Variants in DENND2B observed in about 807,000 individuals in gnomAD.
The protein encoded by DENND2B is DENN domain-containing protein 2B.
DENND2B carries 32 observed loss-of-function variants against 116.0 expected under a neutral mutation model. The observed-to-expected ratio is 0.28, with a 90% CI of 0.21 to 0.37. The LOEUF (loss-of-function observed/expected upper bound fraction) is 0.37, where lower values mean the gene tolerates loss of function less well. Among genes scored for constraint, DENND2B ranks in the 10% least tolerant of loss-of-function variants. The probability of loss-of-function intolerance (pLI) is 1.00; values close to 1 mark genes in which losing one functional copy is unlikely to be tolerated. For synonymous variants in DENND2B, 588 were observed against 583.9 expected (o/e 1.01, Z -0.10); for missense variants, 1,276 against 1,477.7 (o/e 0.86, Z 2.24).
At chr11:8,801,168 G>C (rs562020085) in intron 1 of DENND2B, among the ~76,000 whole-genome samples, 5 of 152,062 alleles carry the variant, frequency 3.3e-5, no homozygotes, top group African/African-American at 1.2e-4. Context: ...TCCTCAGAGA[G>C]GGGCCCGCTC....
At chr11:8,814,646 AT>A (rs954819015), upstream of DENND2B, among the ~76,000 whole-genome samples, 3 of 152,192 alleles carry the variant, frequency 2.0e-5, no homozygotes, top group African/African-American at 7.2e-5. Flanking sequence ...AGCACTCACC[AT>A]GCTGTGTAAT....
rs77977625 is a variant in DENND2B, at chr11:8,748,411, C to T, written c.80+2210G>A. On this transcript the variant is annotated intron_variant, in intron 2 of 19. Transcript: ENST00000313726. ...ACCCAGGAGAACCCTCTGAGTTCACCGACAATGCCTTCCTAAATGAACTGG... is the reference window on the plus strand; with the variant it reads ...ACCCAGGAGAACCCTCTGAGTTCACTGACAATGCCTTCCTAAATGAACTGG... Among the ~76,000 whole-genome samples the T allele has an allele frequency of 8.5e-5, 13 of 152,324 alleles. No homozygotes were observed. In the East Asian group the frequency reaches 1.7e-3, roughly 20 times the overall value.
intron 2 of DENND2B, among the ~76,000 whole-genome samples, chr11:8,879,151 C>T (rs779429830): frequency 2.0e-5 from 3 of 152,242 alleles, no homozygotes; most frequent in Non-Finnish European, 4.4e-5. Context: ...GGCCATGTGA[C>T]TGTCCAACCC....
chr11:8,764,687 G>T (rs1307492417), intron 1 of DENND2B, among the ~76,000 whole-genome samples: 1 of 152,078 alleles, frequency 6.6e-6, no homozygotes, highest in Non-Finnish European at 1.5e-5. Flanking sequence ...TTAGAAAAGG[G>T]GCTGGGCATG....
intron 4 of DENND2B, among the ~76,000 whole-genome samples, chr11:8,723,693 G>C (rs374641108): frequency 1.3e-5 from 2 of 152,148 alleles, no homozygotes; most frequent in African/African-American, 4.8e-5. Flanking sequence ...TGGATCTTTT[G>C]TTCTGATGCC....
rs2043844271 is a variant in DENND2B at position 8,712,109 on chromosome 11, ACAAG to A, written c.2172+438_2172+441del. 1 of 404,604 alleles carries A rather than the reference ACAAG, an allele frequency of 2.5e-6. No homozygotes were observed. Among genetic ancestry groups the A allele is most frequent in the Non-Finnish European group, 5.1e-6 (1 of 197,224 alleles). The allele number at this position is 404,604 out of a possible 1,614,324, so 25.1% of individuals were successfully genotyped here. Reference sequence around the variant, plus strand: ...AAGAGGGAGGCCAGGCTGGCTGGCGACAAGCAGGGAAGGCGGAGTGAGAGACAGG... The same window carrying A: ...AAGAGGGAGGCCAGGCTGGCTGGCGACAGGGAAGGCGGAGTGAGAGACAGG... On this transcript the variant is annotated intron_variant, in intron 9 of 19. Transcript: ENST00000313726. This position sits in a 1 kb window ranked among gnomAD's most constrained non-coding sequence, Gnocchi z 4.4.
At chr11:8,823,234 G>A (rs990648198) in intron 4 of DENND2B, among the ~76,000 whole-genome samples, 5 of 152,038 alleles carry the variant, frequency 3.3e-5, no homozygotes, top group African/African-American at 1.2e-4. Flanking sequence ...CTGGACTTCA[G>A]AAAAATCTCT....
In DENND2B at chr11:8,721,957, C is replaced by A. The variant is rs553901292; in HGVS notation, c.1478-4065G>T. ...ATGCAGCTCAGGCGCCGAGGCCACT[C>A]CACATAATTCCTTAACAAGCTGCTT... On this transcript the variant is annotated intron_variant, in intron 4 of 19. Transcript: ENST00000313726. Among the ~76,000 whole-genome samples, 3 of 152,354 alleles carry A rather than the reference C, an allele frequency of 2.0e-5. No homozygotes were observed. In the South Asian group the frequency reaches 6.2e-4, roughly 32 times the overall value.
chr11:8,906,214 T>C (rs1176883543), intron 1 of DENND2B, among the ~76,000 whole-genome samples: 2 of 146,852 alleles, frequency 1.4e-5, no homozygotes, highest in Admixed American at 1.4e-4. Context: ...TCTTTTTTTT[T>C]TTTTTTTTTG....
intron 4 of DENND2B, chr11:8,718,270 A>G: frequency 8.3e-7 from 1 of 1,201,756 alleles, no homozygotes; most frequent in South Asian, 1.3e-5. Context: ...CAAACACCCC[A>G]GAGATAACAC....
upstream of DENND2B, among the ~76,000 whole-genome samples, chr11:8,815,654 CT>C (rs199795522): frequency 7.5e-3 from 1,147 of 152,332 alleles, 45 homozygotes; most frequent in Admixed American, 0.068. Flanking sequence ...ATTTTTCAAT[CT>C]CCTGATAGAA....
chr11:8,752,424 C>T (rs2052694789), intron 1 of DENND2B, among the ~76,000 whole-genome samples: 1 of 151,246 alleles, frequency 6.6e-6, no homozygotes, highest in Non-Finnish European at 1.5e-5. Flanking sequence ...TGCACTCCAG[C>T]CTGGGTGACA....
chr11:8,746,719 A>G (rs536020658), intron 2 of DENND2B, among the ~76,000 whole-genome samples: 102 of 152,310 alleles, frequency 6.7e-4, no homozygotes, highest in African/African-American at 2.3e-3. Context: ...AAGAAAGACC[A>G]GGGCCAGATC....
At chr11:8,805,062 C>T (rs1041511626) in intron 1 of DENND2B, among the ~76,000 whole-genome samples, 1 of 152,208 alleles carries the variant, frequency 6.6e-6, no homozygotes, top group East Asian at 1.9e-4. Flanking sequence ...ACTATTACAT[C>T]CATTCTACAG....
intron 3 of DENND2B, among the ~76,000 whole-genome samples, chr11:8,849,138 A>T (rs1254012251): frequency 6.6e-6 from 1 of 152,130 alleles, no homozygotes; most frequent in Non-Finnish European, 1.5e-5. Flanking sequence ...CATTCTGCAA[A>T]TATTCACTGA....
intron 2 of DENND2B, among the ~76,000 whole-genome samples, chr11:8,742,950 G>C (rs2050478909): frequency 6.6e-6 from 1 of 152,206 alleles, no homozygotes; most frequent in Admixed American, 6.5e-5. Context: ...TGTAATCCCA[G>C]CTACTTGGGA....
chr11:8,862,132 C>T lies in DENND2B; in HGVS notation c.-249-4696G>A, dbSNP rs182509065. 1.9e-3 allele frequency among the ~76,000 whole-genome samples: 290 copies of T among 151,854 alleles called. 1 individual carries two copies. Among genetic ancestry groups the T allele is most frequent in the African/African-American group, 6.7e-3 (276 of 41,396 alleles). On this transcript the variant is annotated intron_variant, in intron 2 of 6. Coordinates refer to the DENND2B transcript ENST00000524757. Reference sequence around the variant, plus strand: ...GACTGGCACACTAAAATTTCAGACACAATTCATCCATATAATCAAAAACCA... The same window carrying T: ...GACTGGCACACTAAAATTTCAGACATAATTCATCCATATAATCAAAAACCA...
chr11:8,863,999 G>T (rs2063494696), intron 2 of DENND2B, among the ~76,000 whole-genome samples: 1 of 152,096 alleles, frequency 6.6e-6, no homozygotes, highest in Admixed American at 6.6e-5. Context: ...GACAGCTATT[G>T]AGTGGCACTT....
chr11:8,708,077 G>A (rs1173377612), intron 11 of DENND2B: 22 of 1,468,484 alleles, frequency 1.5e-5, no homozygotes, highest in Non-Finnish European at 1.9e-5. Flanking sequence ...CCAGGTACCA[G>A]GCTCCTGCCA....
Sources: allele counts gnomAD v4.1 joint callset (sites outside exome capture counted in the v4.1 genomes callset), GRCh38; gene constraint gnomAD v4.1.1; non-coding constraint Gnocchi (gnomAD v3.1); transcripts MANE v1.5; gene names NCBI Gene and HGNC (gene_info 2026-07-23, HGNC 2026-07-21).